ADD3: variants seen among roughly 807,000 people sequenced by gnomAD.
ADD3 encodes gamma-adducin.
In ADD3, 25 loss-of-function variants were observed where a neutral mutation model predicts 80.2. That is an observed-to-expected ratio of 0.31 (90% CI 0.23 to 0.44). The LOEUF (loss-of-function observed/expected upper bound fraction) is 0.44. Ranked by LOEUF, ADD3 falls within the 20% of genes least tolerant of loss-of-function variation. The pLI is 1.00. For synonymous variants in ADD3, 284 were observed against 289.6 expected (o/e 0.98, Z 0.20); for missense variants, 829 against 847.5 (o/e 0.98, Z 0.27).
At chr10:110,071,761 T>G (rs565257213) in intron 1 of ADD3, among the ~76,000 whole-genome samples, 1 of 152,352 alleles carries the variant, frequency 6.6e-6, no homozygotes, top group East Asian at 1.9e-4. Context: ...CAATACAACC[T>G]CACTAGTTTG....
chr10:110,116,518 C>G (rs778529828), intron 4 of ADD3, 108 bp downstream of exon 4: 2 of 1,137,654 alleles, frequency 1.8e-6, no homozygotes, highest in Non-Finnish European at 2.5e-6. Context: ...ATTCTCTAAA[C>G]CTAGTATGCT....
At chr10:110,119,674 GAGA>G (rs1252013338) in intron 8 of ADD3, 110 bp downstream of exon 8, 1 of 879,042 alleles carries the variant, frequency 1.1e-6, no homozygotes, top group Admixed American at 2.5e-5. Context: ...TGTCTTTTAA[GAGA>G]AGTTCTGCTC....
chr10:110,096,858 C>T lies in ADD3; in HGVS notation c.-29-3767C>T, dbSNP rs889414187. Among the ~76,000 whole-genome samples, 9 of 152,190 alleles carry T rather than the reference C, an allele frequency of 5.9e-5. 1 individual carries two copies. Among genetic ancestry groups the T allele is most frequent in the Admixed American group, 4.6e-4 (7 of 15,288 alleles). ...AGGCCGTCTTTGAAAAACGATGTAC[C>T]ACAGAGCCCAAATCAGGAGTCCAGC... On this transcript the variant is annotated intron_variant, in intron 1 of 14. Coordinates refer to ENST00000356080, the MANE Select transcript of ADD3 (RefSeq NM_016824.5).
In ADD3 at chr10:110,100,849, G is replaced by A; in HGVS notation, c.195+1G>A. On this transcript the variant is annotated splice_donor_variant, in intron 2 of 14. Transcript: ENST00000356080. LOFTEE classifies it high-confidence loss of function. ...AGTTACTCAGATCCTGCAAAGTCCT[G>A]TGAGTTGAATTAGAAGGCTGTAATT... is the stretch of plus-strand genomic sequence containing the variant. 6.3e-7 allele frequency: 1 copy of A among 1,589,240 alleles called. No individual in the cohort carries two copies. The highest frequency in any genetic ancestry group is 8.6e-7 in the Non-Finnish European group (1 of 1,169,400).
chr10:110,005,005 C>CT (rs1371498095), upstream of ADD3, among the ~76,000 whole-genome samples: 1 of 152,062 alleles, frequency 6.6e-6, no homozygotes, highest in African/African-American at 2.4e-5. Flanking sequence ...TAATACTGTG[C>CT]TATTATCCAA....
At chr10:110,038,657 A>G (rs1855943604) in intron 1 of ADD3, among the ~76,000 whole-genome samples, 1 of 152,182 alleles carries the variant, frequency 6.6e-6, no homozygotes, top group Non-Finnish European at 1.5e-5. Context: ...ACATATACAT[A>G]TATATGTTAA....
intron 1 of ADD3, among the ~76,000 whole-genome samples, chr10:110,018,109 CA>C (rs1853209521): frequency 6.6e-6 from 1 of 152,140 alleles, no homozygotes; most frequent in Non-Finnish European, 1.5e-5. Context: ...CTTTCCCAGT[CA>C]AACATAGGAA....
chr10:110,125,566 C>T (rs1168490376), intron 10 of ADD3, among the ~76,000 whole-genome samples: 2 of 152,040 alleles, frequency 1.3e-5, no homozygotes, highest in Non-Finnish European at 2.9e-5. Flanking sequence ...CATATTTTCA[C>T]TTGACACAAG....
At chr10:110,068,473 T>C (rs1277216552) in intron 1 of ADD3, among the ~76,000 whole-genome samples, 1 of 152,192 alleles carries the variant, frequency 6.6e-6, no homozygotes, top group Non-Finnish European at 1.5e-5. Flanking sequence ...ATTCAAAGTA[T>C]TCAGGAGGAA....
chr10:110,103,109 A>G (rs1444459504), intron 2 of ADD3, among the ~76,000 whole-genome samples: 2 of 152,212 alleles, frequency 1.3e-5, no homozygotes, highest in Non-Finnish European at 1.5e-5. Context: ...CTTCTTTGTG[A>G]AAGACTTAAG....
At chr10:110,041,621 T>C (rs1031986458) in intron 1 of ADD3, among the ~76,000 whole-genome samples, 3 of 152,198 alleles carry the variant, frequency 2.0e-5, no homozygotes, top group African/African-American at 7.2e-5. Flanking sequence ...ACAGACGTGC[T>C]TAGAATTATG....
chr10:110,117,453 C>T (rs760921267), intron 5 of ADD3, 31 bp downstream of exon 5: 11 of 1,354,652 alleles, frequency 8.1e-6, no homozygotes, highest in Non-Finnish European at 1.2e-5. Context: ...GTTGCTTTTT[C>T]TGAGCTTTCT....
At chr10:110,011,919 A>G (rs1321332939) in intron 1 of ADD3, among the ~76,000 whole-genome samples, 1 of 152,218 alleles carries the variant, frequency 6.6e-6, no homozygotes, top group Non-Finnish European at 1.5e-5. Context: ...ACAGTCTCAA[A>G]TTTTTACTGT....
rs191369445 is a variant in ADD3 at position 110,093,870 on chromosome 10, G to T, written c.-29-6755G>T. 3.9e-5 allele frequency among the ~76,000 whole-genome samples: 6 copies of T among 152,132 alleles called. No homozygotes were observed. The East Asian group carries it at 7.7e-4, about 20-fold the overall frequency. ...GAAAAATATATAGTTATGTGAATGT[G>T]GTCTTTCCCTGTATCTCAAAATCTT... is the stretch of plus-strand genomic sequence containing the variant. On this transcript the variant is annotated intron_variant, in intron 1 of 14. Coordinates refer to ENST00000356080, the MANE Select transcript of ADD3 (RefSeq NM_016824.5).
chr10:110,048,275 A>G (rs977270881), intron 1 of ADD3, among the ~76,000 whole-genome samples: 1 of 152,038 alleles, frequency 6.6e-6, no homozygotes, highest in African/African-American at 2.4e-5. Flanking sequence ...CTTTTTCTTT[A>G]TGAACTATCC....
chr10:110,121,269 A>C, intron 8 of ADD3, among the ~76,000 whole-genome samples: 1 of 152,128 alleles, frequency 6.6e-6, no homozygotes, highest in East Asian at 1.9e-4. Context: ...AGATCACCTG[A>C]GGTCAGGAGT....
At chr10:110,049,420 G>A (rs61881619) in intron 1 of ADD3, among the ~76,000 whole-genome samples, 21,491 of 152,160 alleles carry the variant, frequency 0.14, 1,872 homozygotes, top group East Asian at 0.4. Flanking sequence ...AGCTTGCACC[G>A]TGTGCCTGGA....
Position 110,100,605 on chromosome 10 carries a change from C to T in ADD3, c.-29-20C>T. 1 of 1,417,818 alleles carries T rather than the reference C, an allele frequency of 7.1e-7. No homozygotes were observed. Among genetic ancestry groups the T allele is most frequent in the Non-Finnish European group, 9.3e-7 (1 of 1,073,074 alleles). The allele number at this position is 1,417,818 out of a possible 1,614,324, so 87.8% of individuals were successfully genotyped here. A position where few individuals can be genotyped will look rare whatever the true frequency, so the allele number is the denominator to read the frequency against. The stretch of plus-strand genomic sequence containing the variant: ...TAATGAATTTATCATGGATGTCCTT[C>T]TTTGTGTTTATTAATGCAGATAACA... On this transcript the variant is annotated intron_variant, in intron 1 of 14. Coordinates refer to ENST00000356080, the MANE Select transcript of ADD3 (RefSeq NM_016824.5).
intron 1 of ADD3, among the ~76,000 whole-genome samples, chr10:110,098,891 G>T (rs1254358533): frequency 6.6e-6 from 1 of 152,006 alleles, no homozygotes; most frequent in Non-Finnish European, 1.5e-5. Context: ...GCCTCCCAAA[G>T]TGCTGCGATT....
Sources: allele counts gnomAD v4.1 joint callset (sites outside exome capture counted in the v4.1 genomes callset), GRCh38; gene constraint gnomAD v4.1.1; transcripts MANE v1.5; gene names NCBI Gene and HGNC (gene_info 2026-07-23, HGNC 2026-07-21).